SYNDIG1: variants seen among roughly 807,000 people sequenced by gnomAD.
SYNDIG1 encodes the protein synapse differentiation inducing 1.
SYNDIG1 carries 9 observed loss-of-function variants against 19.4 expected under a neutral mutation model. That is an observed-to-expected ratio of 0.46 (90% CI 0.28 to 0.81). The LOEUF (loss-of-function observed/expected upper bound fraction) is 0.81, where lower values mean the gene tolerates loss of function less well. SYNDIG1 is among the 30% of genes least tolerant of loss of function. SYNDIG1 has a pLI of 0.12. For missense variants in SYNDIG1, 311 were observed against 343.3 expected (o/e 0.91, Z 0.74); for synonymous variants, 141 against 145.9 (o/e 0.97, Z 0.24).
intron 1 of SYNDIG1, among the ~76,000 whole-genome samples, chr20:24,488,510 A>C (rs1291876802): frequency 6.6e-6 from 1 of 152,236 alleles, no homozygotes; most frequent in Non-Finnish European, 1.5e-5. Flanking sequence ...AGCAGAGGGA[A>C]CACTTCATCT....
chr20:24,633,696 G>A (rs2059282188), intron 3 of SYNDIG1, among the ~76,000 whole-genome samples: 1 of 152,178 alleles, frequency 6.6e-6, no homozygotes, highest in South Asian at 2.1e-4. Context: ...AAGACCTGCT[G>A]ACTCGGAAGC....
chr20:24,543,010 C>G lies in SYNDIG1; in HGVS notation c.-78-10C>G. ...TTCTCTTGTCTCATCTCTGTTTTCTCCTCCTCCAGGAGAAATGGCTTCCCT... is the reference window on the plus strand; with the variant it reads ...TTCTCTTGTCTCATCTCTGTTTTCTGCTCCTCCAGGAGAAATGGCTTCCCT... On this transcript the variant is annotated splice_polypyrimidine_tract_variant and intron_variant, in intron 1 of 3. Transcript: ENST00000376862. The G allele has an allele frequency of 6.5e-7, 1 of 1,537,368 alleles. No homozygotes were observed. The highest frequency in any genetic ancestry group is 8.8e-7 in the Non-Finnish European group (1 of 1,139,558).
At chr20:24,609,739 A>G (rs753090388) in intron 3 of SYNDIG1, among the ~76,000 whole-genome samples, 6 of 152,234 alleles carry the variant, frequency 3.9e-5, no homozygotes, top group Middle Eastern at 3.4e-3. Flanking sequence ...CACAACTGTG[A>G]TTCTCCAGAA....
chr20:24,523,371 T>C (rs547360247), intron 1 of SYNDIG1, among the ~76,000 whole-genome samples: 2 of 152,328 alleles, frequency 1.3e-5, no homozygotes, highest in East Asian at 3.9e-4. Context: ...AAACTGATGA[T>C]GATGACCACA....
At chr20:24,491,597 C>G (rs1427654794) in intron 1 of SYNDIG1, 1 of 152,284 alleles carries the variant, frequency 6.6e-6, no homozygotes, top group Non-Finnish European at 1.5e-5. Context: ...GTTCCTGATG[C>G]CAGGGGATGT....
At chr20:24,641,881 C>G (rs920470421) in intron 3 of SYNDIG1, among the ~76,000 whole-genome samples, 1 of 152,216 alleles carries the variant, frequency 6.6e-6, no homozygotes, top group Admixed American at 6.5e-5. Flanking sequence ...TAAGACAGTA[C>G]ACAGAGTTCC....
intron 3 of SYNDIG1, among the ~76,000 whole-genome samples, chr20:24,627,076 G>A (rs1449944255): frequency 6.6e-6 from 1 of 151,866 alleles, no homozygotes; most frequent in Non-Finnish European, 1.5e-5. Context: ...GAAAGAGAGG[G>A]AGAGGGAGAC....
intron 3 of SYNDIG1, among the ~76,000 whole-genome samples, chr20:24,588,396 C>T (rs770879904): frequency 2.0e-5 from 3 of 152,222 alleles, no homozygotes; most frequent in Admixed American, 6.5e-5. Context: ...AGGTGGGTAA[C>T]ATTGGCTGAC....
At chr20:24,542,797 CT>C (rs1568625627) in intron 1 of SYNDIG1, among the ~76,000 whole-genome samples, 1 of 152,198 alleles carries the variant, frequency 6.6e-6, no homozygotes, top group East Asian at 1.9e-4. Flanking sequence ...GAAGCAGAGA[CT>C]TTATAGAGAT....
chr20:24,585,491 G>A (rs866817467), intron 3 of SYNDIG1, among the ~76,000 whole-genome samples: 11 of 152,108 alleles, frequency 7.2e-5, no homozygotes, highest in Admixed American at 2.6e-4. Context: ...CCAGGTAAAC[G>A]CCCTGCTTGT....
intron 1 of SYNDIG1, among the ~76,000 whole-genome samples, chr20:24,507,286 G>T (rs1039782816): frequency 2.0e-5 from 3 of 152,248 alleles, no homozygotes; most frequent in African/African-American, 7.2e-5. Context: ...AGAGGATGCT[G>T]CCAGGGCTTG....
intron 3 of SYNDIG1, among the ~76,000 whole-genome samples, chr20:24,663,613 C>T (rs2059622869): frequency 6.6e-6 from 1 of 152,182 alleles, no homozygotes; most frequent in Admixed American, 6.5e-5. Context: ...GGGGAGCTTA[C>T]AAGTGAGCAG....
intron 3 of SYNDIG1, among the ~76,000 whole-genome samples, chr20:24,615,944 T>C (rs981028485): frequency 1.3e-5 from 2 of 151,576 alleles, no homozygotes; most frequent in African/African-American, 4.8e-5. Flanking sequence ...TTTATCAACC[T>C]CTACCTGAAA....
chr20:24,546,058 C>A (rs1435464684), intron 2 of SYNDIG1, among the ~76,000 whole-genome samples: 1 of 152,182 alleles, frequency 6.6e-6, no homozygotes, highest in South Asian at 2.1e-4. Context: ...ATTATGGCTG[C>A]TGCTGCTTCT....
At chr20:24,613,380 C>T (rs57690662) in intron 3 of SYNDIG1, among the ~76,000 whole-genome samples, 6,786 of 152,234 alleles carry the variant, frequency 0.045, 349 homozygotes, top group East Asian at 0.24. Flanking sequence ...TGCCGTCTCC[C>T]TGAACAGAGC....
intron 3 of SYNDIG1, among the ~76,000 whole-genome samples, chr20:24,622,986 G>A (rs1251232715): frequency 6.6e-6 from 1 of 152,160 alleles, no homozygotes; most frequent in Non-Finnish European, 1.5e-5. Context: ...TGAAAAGAAT[G>A]AGGACATTCT....
At chr20:24,525,563 C>T (rs920326793) in intron 1 of SYNDIG1, among the ~76,000 whole-genome samples, 26 of 151,952 alleles carry the variant, frequency 1.7e-4, no homozygotes, top group Admixed American at 9.8e-4. Flanking sequence ...GGATTACAGG[C>T]GTGAGCCACC....
At chr20:24,547,677 A>G (rs1293873537) in intron 2 of SYNDIG1, among the ~76,000 whole-genome samples, 2 of 152,152 alleles carry the variant, frequency 1.3e-5, no homozygotes, top group Non-Finnish European at 2.9e-5. Context: ...AGGTATGTGA[A>G]CACTGCTTCA....
chr20:24,548,273 G>A (rs929322034), intron 2 of SYNDIG1, among the ~76,000 whole-genome samples: 1 of 152,142 alleles, frequency 6.6e-6, no homozygotes, highest in African/African-American at 2.4e-5. Flanking sequence ...TACATTAGGG[G>A]GAAAAATGTG....
Sources: allele counts gnomAD v4.1 joint callset (sites outside exome capture counted in the v4.1 genomes callset), GRCh38; gene constraint gnomAD v4.1.1; transcripts MANE v1.5; gene names NCBI Gene and HGNC (gene_info 2026-07-23, HGNC 2026-07-21).